FNDC3B: variants seen among roughly 807,000 people sequenced by gnomAD.
FNDC3B encodes fibronectin type III domain-containing protein 3B.
FNDC3B carries 12 observed loss-of-function variants against 151.5 expected under a neutral mutation model. The observed-to-expected ratio is 0.08, with a 90% CI of 0.05 to 0.13. The LOEUF is 0.13. Among genes scored for constraint, FNDC3B ranks in the 10% least tolerant of loss-of-function variants. The probability of loss-of-function intolerance (pLI) is 1.00; values close to 1 mark genes in which losing one functional copy is unlikely to be tolerated. For missense variants in FNDC3B, 1,214 were observed against 1,505.3 expected (o/e 0.81, Z 3.20); for synonymous variants, 528 against 549.0 (o/e 0.96, Z 0.54).
At chr3:172,296,939 T>G (rs558007026) in intron 8 of FNDC3B, among the ~76,000 whole-genome samples, 3 of 152,210 alleles carry the variant, frequency 2.0e-5, no homozygotes, top group East Asian at 1.9e-4. Context: ...GCGGGACAAC[T>G]GTGGATAGAG....
intron 6 of FNDC3B, among the ~76,000 whole-genome samples, chr3:172,268,684 A>G (rs930303021): frequency 1.3e-5 from 2 of 152,208 alleles, no homozygotes; most frequent in African/African-American, 4.8e-5. Context: ...AATAGAGGAG[A>G]GGCAAAGCTG....
chr3:172,134,941 A>G (rs1721287927), intron 3 of FNDC3B, among the ~76,000 whole-genome samples: 2 of 151,996 alleles, frequency 1.3e-5, no homozygotes, highest in Admixed American at 6.6e-5. Context: ...TATAATAAAC[A>G]GATACCGTGA....
At chr3:172,087,146 G>GA (rs1718588232) in intron 1 of FNDC3B, among the ~76,000 whole-genome samples, 1 of 152,176 alleles carries the variant, frequency 6.6e-6, no homozygotes. Flanking sequence ...CTTTTGTTTA[G>GA]AAAATAAATA....
chr3:172,056,735 AT>A (rs1716937234), intron 1 of FNDC3B, among the ~76,000 whole-genome samples: 1 of 152,206 alleles, frequency 6.6e-6, no homozygotes, highest in African/African-American at 2.4e-5. Context: ...GACAGATTTA[AT>A]TGTTGGATGT....
intron 1 of FNDC3B, among the ~76,000 whole-genome samples, chr3:172,082,528 G>T (rs1718334367): frequency 8.9e-6 from 1 of 111,946 alleles, no homozygotes; most frequent in Non-Finnish European, 1.9e-5. Flanking sequence ...CATCCTGAGA[G>T]GACATCTAGT....
At chr3:172,051,662 C>T (rs1422988351) in intron 1 of FNDC3B, among the ~76,000 whole-genome samples, 4 of 152,152 alleles carry the variant, frequency 2.6e-5, no homozygotes, top group Non-Finnish European at 5.9e-5. Flanking sequence ...AAAGAACCTA[C>T]TGTCTTTGGA....
chr3:172,153,422 C>T (rs914668596), intron 3 of FNDC3B, among the ~76,000 whole-genome samples: 1 of 152,172 alleles, frequency 6.6e-6, no homozygotes, highest in Non-Finnish European at 1.5e-5. Context: ...ATGTGCTGCA[C>T]GCTGCCTTGC....
chr3:172,288,363 C>G (rs1191174639), intron 7 of FNDC3B, among the ~76,000 whole-genome samples: 1 of 152,216 alleles, frequency 6.6e-6, no homozygotes, highest in Admixed American at 6.5e-5. Context: ...AAGGTAACAG[C>G]CTGTCTGCAG....
intron 1 of FNDC3B, among the ~76,000 whole-genome samples, chr3:172,065,808 A>G (rs530601889): frequency 1.1e-4 from 17 of 152,280 alleles, no homozygotes; most frequent in African/African-American, 3.6e-4. Flanking sequence ...TTATATTAGA[A>G]CACTGGCTTC....
At chr3:172,318,930 T>C (rs775653651) in intron 11 of FNDC3B, among the ~76,000 whole-genome samples, 1 of 152,150 alleles carries the variant, frequency 6.6e-6, no homozygotes, top group Non-Finnish European at 1.5e-5. Context: ...CCAGGAAGGA[T>C]TGAATAACTC....
intron 6 of FNDC3B, among the ~76,000 whole-genome samples, chr3:172,265,940 A>G (rs145297818): frequency 1.3e-5 from 2 of 152,242 alleles, no homozygotes; most frequent in African/African-American, 4.8e-5. Context: ...GGGAAGAACA[A>G]TAAGTTAAAA....
At chr3:172,144,349 TG>T (rs1357284804) in intron 3 of FNDC3B, among the ~76,000 whole-genome samples, 3 of 152,178 alleles carry the variant, frequency 2.0e-5, no homozygotes, top group African/African-American at 4.8e-5. Context: ...CATCTCAGTG[TG>T]AGATTTGGAG....
intron 4 of FNDC3B, among the ~76,000 whole-genome samples, chr3:172,238,550 CT>C (rs1286984394): frequency 6.6e-6 from 1 of 152,148 alleles, no homozygotes; most frequent in African/African-American, 2.4e-5. Context: ...TAGAACATTC[CT>C]TTATCCTAAT....
intron 3 of FNDC3B, among the ~76,000 whole-genome samples, chr3:172,166,824 T>C (rs1161640932): frequency 3.3e-5 from 1 of 30,056 alleles, no homozygotes; most frequent in Non-Finnish European, 6.3e-5. Flanking sequence ...GTTCAGAATT[T>C]GGCGGGTGGG....
At chr3:172,052,436 C>T (rs907473291) in intron 1 of FNDC3B, among the ~76,000 whole-genome samples, 4 of 152,130 alleles carry the variant, frequency 2.6e-5, no homozygotes, top group Admixed American at 2.6e-4. Context: ...GAAACCCTCT[C>T]CTCCCCCAAA....
At chr3:172,334,318 TC>T (rs11339828) in intron 14 of FNDC3B, among the ~76,000 whole-genome samples, 74,239 of 123,474 alleles carry the variant, frequency 0.6, 20,643 homozygotes, top group Middle Eastern at 0.75. Context: ...TATTTTTATG[TC>T]CCCCCCCCCA....
At chr3:172,366,874 G>C (rs1734649253) in intron 23 of FNDC3B, among the ~76,000 whole-genome samples, 1 of 152,170 alleles carries the variant, frequency 6.6e-6, no homozygotes, top group South Asian at 2.1e-4. Context: ...GAAATTACAG[G>C]CAAAACCTCC....
chr3:172,282,052 T>A (rs1382846777), intron 6 of FNDC3B, among the ~76,000 whole-genome samples: 2 of 152,174 alleles, frequency 1.3e-5, no homozygotes, highest in East Asian at 3.8e-4. Flanking sequence ...GCTTAGATCA[T>A]GCTTAGGGTG....
chr3:172,063,977 C>T (rs1002335553), intron 1 of FNDC3B, among the ~76,000 whole-genome samples: 1 of 152,006 alleles, frequency 6.6e-6, no homozygotes, highest in African/African-American at 2.4e-5. Context: ...CATTCACGCC[C>T]TTATAAAAGA....
Sources: allele counts gnomAD v4.1 joint callset (sites outside exome capture counted in the v4.1 genomes callset), GRCh38; gene constraint gnomAD v4.1.1; transcripts MANE v1.5; gene names NCBI Gene and HGNC (gene_info 2026-07-23, HGNC 2026-07-21).